The following CACNA1D variants were observed in gnomAD, a reference collection of about 807,000 sequenced individuals.
CACNA1D encodes voltage-dependent L-type calcium channel subunit alpha-1D.
A neutral mutation model predicts 257.1 loss-of-function variants in CACNA1D; 55 were observed. The ratio of observed to expected loss-of-function variants is 0.21; its 90% CI spans 0.17 to 0.27. The LOEUF (loss-of-function observed/expected upper bound fraction) is 0.27, where lower values mean the gene tolerates loss of function less well. CACNA1D is among the 10% of genes least tolerant of loss of function. The pLI, the probability that CACNA1D is intolerant of heterozygous loss-of-function variation, is 1.00. For missense variants in CACNA1D, 1,876 were observed against 2,784.0 expected (o/e 0.67, Z 7.34); for synonymous variants, 980 against 1,014.9 (o/e 0.97, Z 0.65).
rs188419210 is a variant in CACNA1D at position 53,578,895 on chromosome 3, A to T, written c.484-71884A>T. Among the ~76,000 whole-genome samples, 23 of 152,312 alleles carry T rather than the reference A, an allele frequency of 1.5e-4. No homozygotes were observed. The East Asian group carries it at 3.5e-3, about 23-fold the overall frequency. ...TGGGGGATGATGTACTTTAGAACAG[A>T]GCTGTGCTTTAGAGAAGAGGTTGGG... is the stretch of plus-strand genomic sequence containing the variant. On this transcript the variant is annotated intron_variant, in intron 3 of 47. Transcript: ENST00000350061.
chr3:53,810,560 C>G lies in CACNA1D; in HGVS notation c.6192+262C>G, dbSNP rs186580559. 309 of 506,158 alleles carry G rather than the reference C, an allele frequency of 6.1e-4. 1 individual carries two copies. The East Asian group carries it at 0.011, about 18-fold the overall frequency. The allele number at this position is 506,158 out of a possible 1,614,324, so 31.4% of individuals were successfully genotyped here. A position where few individuals can be genotyped will look rare whatever the true frequency, so the allele number is the denominator to read the frequency against. On this transcript the variant is annotated intron_variant, in intron 47 of 47. Coordinates refer to ENST00000350061, the MANE Select transcript of CACNA1D (RefSeq NM_001128840.3). ...TCACCTGAGGTCAGCGGCTCAAAGA[C>G]CAGCCTTGCCAACATGGTGAAACCC...
At chr3:53,506,583 A>G (rs186219117) in intron 3 of CACNA1D, among the ~76,000 whole-genome samples, 47 of 152,362 alleles carry the variant, frequency 3.1e-4, no homozygotes, top group African/African-American at 9.9e-4. Context: ...TGAATAAATA[A>G]ATGAATGACC....
chr3:53,507,689 G>A (rs2090914704), intron 3 of CACNA1D, among the ~76,000 whole-genome samples: 1 of 152,098 alleles, frequency 6.6e-6, no homozygotes, highest in African/African-American at 2.4e-5. Flanking sequence ...TCCAGTGGGG[G>A]TCCTTGCTCA....
At chr3:53,607,172 T>G (rs1314646080) in intron 3 of CACNA1D, among the ~76,000 whole-genome samples, 1 of 152,228 alleles carries the variant, frequency 6.6e-6, no homozygotes, top group Non-Finnish European at 1.5e-5. Context: ...TTTATTACCC[T>G]TGGGAAAAAT....
intron 3 of CACNA1D, among the ~76,000 whole-genome samples, chr3:53,557,488 C>G (rs1386917858): frequency 2.0e-5 from 3 of 151,112 alleles, no homozygotes; most frequent in Non-Finnish European, 2.9e-5. Context: ...GAGCGAAACT[C>G]TGTCTCAAAA....
At chr3:53,729,793 A>G (rs574509766) in intron 15 of CACNA1D, among the ~76,000 whole-genome samples, 1 of 152,356 alleles carries the variant, frequency 6.6e-6, no homozygotes, top group Admixed American at 6.5e-5. Context: ...CAGTGATCAA[A>G]GATCGAGCTG....
chr3:53,771,428 C>T (rs777441855), intron 32 of CACNA1D, among the ~76,000 whole-genome samples: 18 of 152,174 alleles, frequency 1.2e-4, no homozygotes, highest in Non-Finnish European at 1.9e-4. Flanking sequence ...ACCAGTGTTA[C>T]CCTCCCAGTA....
intron 18 of CACNA1D, 47 bp from the exon 19 acceptor site, chr3:53,732,768 T>C: frequency 6.5e-7 from 1 of 1,534,758 alleles, no homozygotes; most frequent in African/African-American, 1.4e-5. Context: ...TTCAAACCCA[T>C]ATGTAGTCTT....
At chr3:53,648,561 G>A (rs752456735) in intron 3 of CACNA1D, among the ~76,000 whole-genome samples, 9 of 152,038 alleles carry the variant, frequency 5.9e-5, no homozygotes, top group Non-Finnish European at 8.8e-5. Context: ...CATGCCTCCC[G>A]AGCAAGCACT....
chr3:53,524,489 A>G lies in CACNA1D; in HGVS notation c.483+22769A>G, dbSNP rs145862472. ...GCACCAGAAATGCAGTTTACAGAAG[A>G]TTTGCATGAAAATCTTAAAAACAGG... On this transcript the variant is annotated intron_variant, in intron 3 of 47. Transcript: ENST00000350061. 1.9e-3 allele frequency among the ~76,000 whole-genome samples: 285 copies of G among 152,314 alleles called. 1 individual carries two copies. Among genetic ancestry groups the G allele is most frequent in the Admixed American group, 0.015 (236 of 15,302 alleles).
intron 3 of CACNA1D, among the ~76,000 whole-genome samples, chr3:53,514,299 T>C (rs2091248020): frequency 6.7e-6 from 1 of 149,090 alleles, no homozygotes; most frequent in Non-Finnish European, 1.5e-5. Context: ...TGATGATGCC[T>C]AAACACCAAG....
intron 3 of CACNA1D, among the ~76,000 whole-genome samples, chr3:53,545,092 G>A (rs567592850): frequency 1.3e-5 from 2 of 152,300 alleles, no homozygotes; most frequent in South Asian, 4.1e-4. Flanking sequence ...ATGCCATGAG[G>A]CTTTTTTGGC....
At chr3:53,672,705 T>G (rs936496026) in intron 7 of CACNA1D, among the ~76,000 whole-genome samples, 1 of 151,826 alleles carries the variant, frequency 6.6e-6, no homozygotes, top group African/African-American at 2.4e-5. Flanking sequence ...CCAGCTGATT[T>G]TCCTTCCTGG....
rs2090287385 is a variant in CACNA1D, at chr3:53,495,069, G to T, written c.-98G>T. On this transcript the variant is annotated 5_prime_UTR_variant, in exon 1 of 48. Transcript: ENST00000350061. The surrounding 1 kb of genome is among the most constrained non-coding windows in gnomAD (Gnocchi z 5.1). ...AAGCGAGAATAAGGGCAGGGACCGC[G>T]GCTCCTACCTCTTGGTGATCCCCTT... is the stretch of plus-strand genomic sequence containing the variant. 1.4e-6 allele frequency: 1 copy of T among 697,010 alleles called. No homozygotes were observed. Among genetic ancestry groups the T allele is most frequent in the African/African-American group, 1.9e-5 (1 of 53,916 alleles). 43.2% of individuals were successfully genotyped at this position (697,010 alleles called of 1,614,324 possible). A position where few individuals can be genotyped will look rare whatever the true frequency, so the allele number is the denominator to read the frequency against.
Position 53,810,115 on chromosome 3 carries a change from G to T in CACNA1D, c.6009G>T (p.Val2003=). 6.2e-7 allele frequency: 1 copy of T among 1,613,992 alleles called. No homozygotes were observed. The highest frequency in any genetic ancestry group is 1.1e-5 in the South Asian group (1 of 91,080). ...WTPCYTPLIQ[V]EQSEALDQVN... ...CGTGCTACACCCCCCTGATCCAAGTGGAGCAGTCAGAGGCCCTGGACCAGG... is the reference window on the plus strand; with the variant it reads ...CGTGCTACACCCCCCTGATCCAAGTTGAGCAGTCAGAGGCCCTGGACCAGG... The change falls in exon 47 of 48, where the codon GTG becomes GTT. Residue 2003 remains valine, a synonymous_variant. Coordinates refer to ENST00000350061, the MANE Select transcript of CACNA1D (RefSeq NM_001128840.3).
intron 7 of CACNA1D, among the ~76,000 whole-genome samples, chr3:53,669,991 T>C (rs746215074): frequency 1.1e-4 from 17 of 152,238 alleles, no homozygotes; most frequent in Non-Finnish European, 2.4e-4. Flanking sequence ...TTCAAAGAAA[T>C]TGTTTTTAAA....
At chr3:53,708,519 G>T (rs890964310) in intron 9 of CACNA1D, among the ~76,000 whole-genome samples, 2 of 152,152 alleles carry the variant, frequency 1.3e-5, no homozygotes, top group African/African-American at 4.8e-5. Context: ...CTCCACAGGG[G>T]TGATAGAAAG....
At chr3:53,748,695 G>A (rs1194847958) in intron 26 of CACNA1D, among the ~76,000 whole-genome samples, 1 of 152,174 alleles carries the variant, frequency 6.6e-6, no homozygotes, top group East Asian at 1.9e-4. Flanking sequence ...ATGGATGTGA[G>A]GATTAAGGGA....
intron 14 of CACNA1D, among the ~76,000 whole-genome samples, chr3:53,726,080 C>T (rs1341169675): frequency 6.6e-6 from 1 of 152,162 alleles, no homozygotes; most frequent in Non-Finnish European, 1.5e-5. Flanking sequence ...ATGTGGAATG[C>T]TATGCAGCAG....
Sources: allele counts gnomAD v4.1 joint callset (sites outside exome capture counted in the v4.1 genomes callset), GRCh38; gene constraint gnomAD v4.1.1; non-coding constraint Gnocchi (gnomAD v3.1); transcripts MANE v1.5; gene names NCBI Gene and HGNC (gene_info 2026-07-23, HGNC 2026-07-21).